MYO6: variants seen among roughly 807,000 people sequenced by gnomAD.
MYO6 encodes unconventional myosin-VI.
MYO6 carries 74 observed loss-of-function variants against 178.7 expected under a neutral mutation model. The observed-to-expected ratio is 0.41, with a 90% CI of 0.34 to 0.50. The LOEUF is 0.50. MYO6 is among the 20% of genes least tolerant of loss of function. MYO6 has a pLI of 0.09. For synonymous variants in MYO6, 477 were observed against 504.6 expected, an observed-to-expected ratio of 0.95 and a Z score of 0.73; for missense variants, 1,330 against 1,547.4, an observed-to-expected ratio of 0.86 and a Z score of 2.36.
rs1221486540 is a variant in MYO6, at chr6:75,918,025, C to T, written c.*3013C>T. On this transcript the variant is annotated 3_prime_UTR_variant, in exon 35 of 35. Coordinates refer to ENST00000369977, the MANE Select transcript of MYO6 (RefSeq NM_004999.4). ...GAAGAGGTAACAGATCCAGAGAGGT[C>T]AAGTAATTTAGTTGTAGACTGAAAA... The T allele has an allele frequency of 6.6e-6, 1 of 152,268 alleles. No homozygotes were observed. The highest frequency in any genetic ancestry group is 2.4e-5 in the African/African-American group (1 of 41,414). 9.4% of individuals were successfully genotyped at this position (152,268 alleles called of 1,614,324 possible).
intron 1 of MYO6, among the ~76,000 whole-genome samples, chr6:75,806,424 G>GAA: frequency 6.6e-6 from 1 of 151,906 alleles, no homozygotes; most frequent in East Asian, 1.9e-4. Flanking sequence ...GGGGAAGTGA[G>GAA]TGTCCATGGC....
chr6:75,778,686 A>G (rs1766639673), intron 1 of MYO6, among the ~76,000 whole-genome samples: 1 of 152,038 alleles, frequency 6.6e-6, no homozygotes. Flanking sequence ...TAAGCTAATT[A>G]TTCTCCTAAT....
chr6:75,868,163 A>G (rs1291307762), intron 18 of MYO6, among the ~76,000 whole-genome samples: 1 of 152,028 alleles, frequency 6.6e-6, no homozygotes, highest in Non-Finnish European at 1.5e-5. Context: ...TTGATAAAAT[A>G]TTTATAAGAG....
At chr6:75,809,920 A>C (rs561516929) in intron 1 of MYO6, among the ~76,000 whole-genome samples, 33 of 151,022 alleles carry the variant, frequency 2.2e-4, no homozygotes, top group Admixed American at 7.3e-4. Context: ...AAAAAAACAA[A>C]AAAAAAAGCA....
intron 30 of MYO6, among the ~76,000 whole-genome samples, chr6:75,903,948 G>A (rs1431826954): frequency 2.0e-5 from 3 of 151,480 alleles, no homozygotes; most frequent in African/African-American, 7.3e-5. Flanking sequence ...CTCAGCATTT[G>A]CTTGTCTGTG....
intron 28 of MYO6, chr6:75,894,666 G>A (rs1393938995): frequency 2.1e-6 from 1 of 484,404 alleles, no homozygotes; most frequent in Non-Finnish European, 3.5e-6. Flanking sequence ...TTAGCACTGA[G>A]TTTTTTCTCT....
rs1777883848 is a variant in MYO6, at chr6:75,879,945, T to A, written c.2203T>A (p.Cys735Ser). ...TGCAAGATTGGATCCAAGACTATTT[T>A]GTAAGGTATAAATGCCACCCAAATT... is the stretch of plus-strand genomic sequence containing the variant. ...KLARLDPRLF[C>S]KALFKALGLN... Residue 735 changes from cysteine to serine, a missense_variant, in exon 21 of 35, where the codon TGT (cysteine) becomes AGT (serine). This residue lies in a region of MYO6 where 613 missense variants were observed against 816.8 expected (regional missense o/e 0.75). Transcript: ENST00000369977. 8 of 1,614,158 alleles carry A rather than the reference T, an allele frequency of 5.0e-6. No individual in the cohort carries two copies. The East Asian group carries it at 8.9e-5, about 18-fold the overall frequency.
chr6:75,907,886 G>C (rs1581995439), intron 31 of MYO6, among the ~76,000 whole-genome samples, 178 bp downstream of exon 31: 1 of 151,816 alleles, frequency 6.6e-6, no homozygotes, highest in East Asian at 1.9e-4. Context: ...AGTAACAAAT[G>C]GCAATGCAGT....
At chr6:75,784,845 G>A (rs1231916615) in intron 1 of MYO6, among the ~76,000 whole-genome samples, 1 of 151,328 alleles carries the variant, frequency 6.6e-6, no homozygotes, top group Non-Finnish European at 1.5e-5. Flanking sequence ...GAAGATTGCG[G>A]GGTGTAGCTT....
At chr6:75,755,373 T>C (rs1437602482) in intron 1 of MYO6, among the ~76,000 whole-genome samples, 1 of 152,226 alleles carries the variant, frequency 6.6e-6, no homozygotes, top group Non-Finnish European at 1.5e-5. Flanking sequence ...CCTCACATTA[T>C]GGCTTCAAGT....
At chr6:75,789,184 C>T (rs1159720721) in intron 1 of MYO6, among the ~76,000 whole-genome samples, 1 of 152,108 alleles carries the variant, frequency 6.6e-6, no homozygotes, top group African/African-American at 2.4e-5. Context: ...TTCATTGAAT[C>T]TAAAATATCA....
At chr6:75,880,224 T>A (rs1314266265) in intron 22 of MYO6, 104 bp downstream of exon 22, 9 of 881,690 alleles carry the variant, frequency 1.0e-5, no homozygotes, top group Non-Finnish European at 1.6e-5. Flanking sequence ...TCTTGAATTA[T>A]ATGGTCACTA....
chr6:75,761,110 G>C (rs1206579399), intron 1 of MYO6, among the ~76,000 whole-genome samples: 4 of 152,028 alleles, frequency 2.6e-5, no homozygotes, highest in Admixed American at 2.6e-4. Flanking sequence ...TGTTCATCTT[G>C]GTTGATCTTT....
At chr6:75,902,514 G>A (rs188018336) in intron 30 of MYO6, among the ~76,000 whole-genome samples, 2,810 of 152,300 alleles carry the variant, frequency 0.018, 95 homozygotes, top group African/African-American at 0.063. Flanking sequence ...TATTTGCGTA[G>A]AGTTGTTTGT....
At chr6:75,854,307 T>TTG (rs1775552756) in intron 11 of MYO6, among the ~76,000 whole-genome samples, 1 of 110,088 alleles carries the variant, frequency 9.1e-6, no homozygotes, top group African/African-American at 3.1e-5. Context: ...TTTTTTTTTT[T>TTG]GCTATTCTCT....
chr6:75,833,654 A>AT (rs1264484810), intron 6 of MYO6, among the ~76,000 whole-genome samples: 2 of 152,050 alleles, frequency 1.3e-5, no homozygotes, highest in African/African-American at 4.8e-5. Flanking sequence ...TTTTATTTTT[A>AT]TTTTTTAGTA....
In MYO6 at chr6:75,857,327, T is replaced by C. The variant is rs41269321; in HGVS notation, c.1381+73T>C. On this transcript the variant is annotated intron_variant, in intron 13 of 34. Coordinates refer to ENST00000369977, the MANE Select transcript of MYO6 (RefSeq NM_004999.4). ...ACACATTAGAATTTGTTCTTAAATC[T>C]TTTCTCCTTTGTAACTCATTTTACT... 20,109 of 1,457,712 alleles carry C rather than the reference T, an allele frequency of 0.014. 205 individuals carry two copies. The highest frequency in any genetic ancestry group is 0.014 in the Non-Finnish European group (14,842 of 1,045,586). The allele number at this position is 1,457,712 out of a possible 1,614,324, so 90.3% of individuals were successfully genotyped here.
Position 75,840,634 on chromosome 6 carries a change from T to A in MYO6, c.603T>A (p.Asn201Lys). ...AFGNAKTVRN[N>K]NSSRFGKFVE... Reference sequence around the variant, plus strand: ...GAAATGCGAAGACTGTTCGCAACAATAATAGCAGTCGATTTGGGAAATTTG... The same window carrying A: ...GAAATGCGAAGACTGTTCGCAACAAAAATAGCAGTCGATTTGGGAAATTTG... Residue 201 changes from asparagine (N) to lysine (K), a missense_variant, in exon 8 of 35, where the codon AAT becomes AAA. Asn to Lys is a moderately conservative substitution (Grantham distance 94, BLOSUM62 0). Transcript: ENST00000369977. 6.2e-7 allele frequency: 1 copy of A among 1,613,996 alleles called. No homozygotes were observed. The highest frequency in any genetic ancestry group is 8.5e-7 in the Non-Finnish European group (1 of 1,179,910).
At chr6:75,905,876 A>G (rs991591695) in intron 30 of MYO6, among the ~76,000 whole-genome samples, 3 of 152,228 alleles carry the variant, frequency 2.0e-5, no homozygotes, top group Non-Finnish European at 4.4e-5. Flanking sequence ...TAAAGAAGCA[A>G]GGGCACCTTA....
Sources: allele counts gnomAD v4.1 joint callset (sites outside exome capture counted in the v4.1 genomes callset), GRCh38; gene constraint gnomAD v4.1.1; regional missense constraint gnomAD v4.1.1; transcripts MANE v1.5; gene names NCBI Gene and HGNC (gene_info 2026-07-23, HGNC 2026-07-21).